GSK3B: variants seen among roughly 807,000 people sequenced by gnomAD.
GSK3B encodes glycogen synthase kinase-3 beta.
In GSK3B, 15 loss-of-function variants were observed where a neutral mutation model predicts 56.4. That is an observed-to-expected ratio of 0.27 (90% CI 0.18 to 0.41). The LOEUF (loss-of-function observed/expected upper bound fraction) is 0.41. Among genes scored for constraint, GSK3B ranks in the 10% least tolerant of loss-of-function variants. The probability of loss-of-function intolerance (pLI) is 1.00; values close to 1 mark genes in which losing one functional copy is unlikely to be tolerated. For synonymous variants in GSK3B, 181 were observed against 188.9 expected (o/e 0.96, Z 0.34); for missense variants, 300 against 513.4 (o/e 0.58, Z 4.02).
At chr3:119,885,311 C>A (rs2056423981) in intron 7 of GSK3B, among the ~76,000 whole-genome samples, 1 of 145,370 alleles carries the variant, frequency 6.9e-6, no homozygotes, top group African/African-American at 2.6e-5. Flanking sequence ...ATACCTCTAA[C>A]TGAGAAGGTG....
At chr3:120,035,499 T>C (rs547777413) in intron 1 of GSK3B, among the ~76,000 whole-genome samples, 155 of 152,348 alleles carry the variant, frequency 1.0e-3, no homozygotes, top group Non-Finnish European at 1.3e-3. Flanking sequence ...CAAAGGGCAA[T>C]TGGAACTTTG....
chr3:120,077,312 A>G (rs557438952), intron 1 of GSK3B, among the ~76,000 whole-genome samples: 50 of 152,238 alleles, frequency 3.3e-4, no homozygotes, highest in African/African-American at 9.4e-4. Context: ...CAGTGTGTGT[A>G]TATATATATG....
At chr3:120,044,095 C>T (rs1378472247) in intron 1 of GSK3B, among the ~76,000 whole-genome samples, 1 of 152,204 alleles carries the variant, frequency 6.6e-6, no homozygotes, top group Non-Finnish European at 1.5e-5. Context: ...TCCAGTCAAC[C>T]GGGCATGGGC....
intron 1 of GSK3B, among the ~76,000 whole-genome samples, chr3:120,005,668 G>A (rs567708547): frequency 3.0e-4 from 46 of 152,190 alleles, no homozygotes; most frequent in South Asian, 1.0e-3. Context: ...TTCATATCCC[G>A]CCAAACTAAG....
intron 1 of GSK3B, 58 bp downstream of exon 1, chr3:120,093,289 A>C: frequency 9.2e-7 from 1 of 1,089,896 alleles, no homozygotes; most frequent in Non-Finnish European, 1.4e-6. Context: ...TGGTATTTCG[A>C]GGTTTCTTAT....
chr3:119,924,621 G>A (rs1227831799), intron 3 of GSK3B, among the ~76,000 whole-genome samples: 1 of 152,036 alleles, frequency 6.6e-6, no homozygotes, highest in Non-Finnish European at 1.5e-5. Context: ...TCATGCCATT[G>A]ACCCTACTAC....
In GSK3B at chr3:120,093,558, G is replaced by T; in HGVS notation, c.-124C>A. 1 of 648,612 alleles carries T rather than the reference G, an allele frequency of 1.5e-6. No individual in the cohort carries two copies. The highest frequency in any genetic ancestry group is 2.8e-6 in the Non-Finnish European group (1 of 362,834). 40.2% of individuals were successfully genotyped at this position (648,612 alleles called of 1,614,324 possible). On this transcript the variant is annotated 5_prime_UTR_variant, in exon 1 of 11. Coordinates refer to ENST00000264235, the MANE Select transcript of GSK3B (RefSeq NM_001146156.2). ...TTCTCCCACAGAAGAAAAAGAAAAA[G>T]ACTTCGTCCTCTTGGCTTTTCACTC...
chr3:120,019,887 T>G (rs980947267), intron 1 of GSK3B, among the ~76,000 whole-genome samples: 2 of 152,226 alleles, frequency 1.3e-5, no homozygotes, highest in East Asian at 3.8e-4. Flanking sequence ...ACTGTAAATA[T>G]GTAGATATTT....
intron 8 of GSK3B, among the ~76,000 whole-genome samples, chr3:119,875,429 T>A (rs1015965355): frequency 2.6e-5 from 4 of 151,974 alleles, no homozygotes; most frequent in African/African-American, 4.8e-5. Flanking sequence ...AATTGTTATA[T>A]GTACATTTTA....
intron 2 of GSK3B, among the ~76,000 whole-genome samples, chr3:119,967,398 AG>A (rs1448704769): frequency 6.6e-6 from 1 of 152,136 alleles, no homozygotes; most frequent in Non-Finnish European, 1.5e-5. Context: ...TTTAAAAAAA[AG>A]ATATTGATAA....
intron 2 of GSK3B, among the ~76,000 whole-genome samples, chr3:119,949,793 CAA>C (rs927567102): frequency 0.017 from 1,037 of 62,278 alleles, 4 homozygotes; most frequent in African/African-American, 0.049. Context: ...GACTCCGTCT[CAA>C]AAAAAAAAAA....
intron 3 of GSK3B, among the ~76,000 whole-genome samples, chr3:119,940,917 G>A (rs1161239769): frequency 6.6e-6 from 1 of 151,924 alleles, no homozygotes. Flanking sequence ...GTAAATATAA[G>A]TAATGTGTTT....
Position 119,822,530 on chromosome 3 carries a change from A to C in GSK3B, c.*4258T>G, listed in dbSNP as rs906743514. The C allele has an allele frequency of 3.1e-5, 7 of 227,422 alleles. No individual in the cohort carries two copies. Among genetic ancestry groups the C allele is most frequent in the Non-Finnish European group, 6.1e-5 (7 of 114,412 alleles). 14.1% of individuals were successfully genotyped at this position (227,422 alleles called of 1,614,324 possible). On this transcript the variant is annotated 3_prime_UTR_variant, in exon 11 of 11. Transcript: ENST00000264235. Reference sequence around the variant, plus strand: ...ATTTTGCTTTTATTGCAGAGGTGCAAAACGGAGCAACAAACTTGAATAAAA... The same window carrying C: ...ATTTTGCTTTTATTGCAGAGGTGCACAACGGAGCAACAAACTTGAATAAAA...
chr3:119,998,930 A>T (rs2057650117), intron 2 of GSK3B, among the ~76,000 whole-genome samples: 1 of 152,266 alleles, frequency 6.6e-6, no homozygotes, highest in Non-Finnish European at 1.5e-5. Flanking sequence ...GTACATTTAA[A>T]TGGATAAAAT....
At chr3:120,055,124 C>G (rs1422129798) in intron 1 of GSK3B, among the ~76,000 whole-genome samples, 4 of 152,056 alleles carry the variant, frequency 2.6e-5, no homozygotes, top group African/African-American at 9.7e-5. Context: ...TTGTTTGTGG[C>G]TATAATAATA....
Position 120,002,029 on chromosome 3 carries a change from A to G in GSK3B, c.282+17T>C, listed in dbSNP as rs776721935. ...ATTACGACAGCAACAAAATATATGA[A>G]ATACTGGACATTTTACCTTAAATCT... On this transcript the variant is annotated intron_variant, in intron 2 of 10. Transcript: ENST00000264235. The G allele has an allele frequency of 1.7e-5, 26 of 1,513,506 alleles. No individual in the cohort carries two copies. In the South Asian group the frequency reaches 3.0e-4, roughly 17 times the overall value. 93.8% of individuals were successfully genotyped at this position (1,513,506 alleles called of 1,614,324 possible).
chr3:119,829,212 T>A (rs2055562839), intron 10 of GSK3B, among the ~76,000 whole-genome samples: 1 of 152,174 alleles, frequency 6.6e-6, no homozygotes, highest in Non-Finnish European at 1.5e-5. Context: ...CTCCAAGCCT[T>A]TCTCAGATAA....
chr3:120,078,905 A>G (rs1313282585), intron 1 of GSK3B, among the ~76,000 whole-genome samples: 1 of 129,784 alleles, frequency 7.7e-6, no homozygotes, highest in African/African-American at 3.2e-5. Context: ...CTACAATTTG[A>G]CAGGAAATTA....
intron 10 of GSK3B, among the ~76,000 whole-genome samples, chr3:119,842,181 T>G (rs1325222086): frequency 6.6e-6 from 1 of 152,198 alleles, no homozygotes; most frequent in Non-Finnish European, 1.5e-5. Flanking sequence ...CAGTCATTAT[T>G]TGGAAGAATT....
Sources: gnomAD v4.1 joint callset for allele counts (sites outside exome capture counted in the v4.1 genomes callset) on GRCh38, gnomAD v4.1.1 for gene constraint, MANE v1.5 for transcripts, NCBI Gene and HGNC (gene_info 2026-07-23, HGNC 2026-07-21) for gene names.